Variants in HDLBP observed in about 807,000 individuals in gnomAD.
HDLBP encodes the protein vigilin.
Under a neutral mutation model 137.3 loss-of-function variants are expected in HDLBP, and 30 were observed. That is an observed-to-expected ratio of 0.22 (90% CI 0.16 to 0.30). The LOEUF (loss-of-function observed/expected upper bound fraction) is 0.30. Ranked by LOEUF, HDLBP falls within the 10% of genes least tolerant of loss-of-function variation. The pLI is 1.00. For synonymous variants in HDLBP, 606 were observed against 596.0 expected (o/e 1.02, Z -0.24); for missense variants, 1,119 against 1,667.3 (o/e 0.67, Z 5.73).
chr2:241,252,038 C>G (rs549394911), intron 11 of HDLBP, among the ~76,000 whole-genome samples: 11 of 152,304 alleles, frequency 7.2e-5, no homozygotes, highest in Admixed American at 3.3e-4. Context: ...CGACACACTT[C>G]TAACAGCATC....
intron 1 of HDLBP, among the ~76,000 whole-genome samples, chr2:241,274,050 G>T (rs2074297449): frequency 6.6e-6 from 1 of 152,194 alleles, no homozygotes; most frequent in Admixed American, 6.5e-5. Flanking sequence ...GGGTGTAAAA[G>T]AAGTTAAGAA....
intron 1 of HDLBP, among the ~76,000 whole-genome samples, chr2:241,275,825 C>T (rs572624841): frequency 1.3e-5 from 2 of 151,846 alleles, no homozygotes; most frequent in South Asian, 4.2e-4. Context: ...TTTAAGAATT[C>T]TTTTTCATTT....
chr2:241,270,847 G>A, intron 1 of HDLBP: 1 of 428,044 alleles, frequency 2.3e-6, no homozygotes, highest in Non-Finnish European at 3.1e-6. Flanking sequence ...GATACCTTGG[G>A]CAGGCCTAGA....
intron 1 of HDLBP, among the ~76,000 whole-genome samples, chr2:241,275,804 G>A (rs1336333663): frequency 1.3e-5 from 2 of 152,142 alleles, no homozygotes; most frequent in South Asian, 4.1e-4. Context: ...AGAAATAACT[G>A]TCAATTTGGA....
intron 1 of HDLBP, among the ~76,000 whole-genome samples, chr2:241,285,906 C>T (rs769508774): frequency 5.9e-5 from 9 of 152,128 alleles, no homozygotes; most frequent in Non-Finnish European, 1.0e-4. Context: ...TGCCTGTAAT[C>T]CTAGTTACTC....
At chr2:241,313,389 C>CA (rs2075815319) in intron 1 of HDLBP, among the ~76,000 whole-genome samples, 1 of 152,194 alleles carries the variant, frequency 6.6e-6, no homozygotes, top group Admixed American at 6.5e-5. Context: ...AAGCGATTCT[C>CA]ATGCCTCAGC....
chr2:241,231,214 G>A (rs1376006985), intron 24 of HDLBP: 14 of 351,854 alleles, frequency 4.0e-5, no homozygotes, highest in South Asian at 2.1e-4. Flanking sequence ...GAGAAACCCC[G>A]CCTCTACTAA....
intron 1 of HDLBP, among the ~76,000 whole-genome samples, chr2:241,313,421 A>C (rs370446970): frequency 4.6e-5 from 7 of 152,090 alleles, no homozygotes; most frequent in African/African-American, 1.4e-4. Flanking sequence ...CTGGGATTAC[A>C]GGCGCGCGCC....
intron 21 of HDLBP, 82 bp downstream of exon 21, chr2:241,236,533 A>T (rs767076057): frequency 6.9e-7 from 1 of 1,444,416 alleles, no homozygotes; most frequent in African/African-American, 1.4e-5. Context: ...GCAACCGTCC[A>T]TCCCATCCAG....
intron 20 of HDLBP, among the ~76,000 whole-genome samples, chr2:241,237,859 T>G (rs2070748217): frequency 6.6e-6 from 1 of 152,204 alleles, no homozygotes; most frequent in South Asian, 2.1e-4. Flanking sequence ...CAGAGTGCAG[T>G]ATGAGTTTAT....
rs577275631 is a variant in HDLBP, at chr2:241,254,141, T to C, written c.1189-644A>G. ...TCCACGAAAACTAGCCTGGGGCGCC[T>C]GTAGTGCCAGCTACTTGGGAAGCTG... On this transcript the variant is annotated intron_variant, in intron 9 of 27. Coordinates refer to ENST00000310931, the MANE Select transcript of HDLBP (RefSeq NM_005336.6). Among the ~76,000 whole-genome samples, 3 of 152,214 alleles carry C rather than the reference T, an allele frequency of 2.0e-5. No homozygotes were observed. The East Asian group carries it at 5.8e-4, about 29-fold the overall frequency.
intron 7 of HDLBP, among the ~76,000 whole-genome samples, chr2:241,255,902 C>A (rs56296818): frequency 6.6e-6 from 1 of 152,228 alleles, no homozygotes; most frequent in Non-Finnish European, 1.5e-5. Flanking sequence ...TAATCTAAGA[C>A]GTGAACAAGT....
intron 1 of HDLBP, among the ~76,000 whole-genome samples, chr2:241,296,497 C>T (rs966764335): frequency 5.3e-5 from 8 of 152,098 alleles, no homozygotes; most frequent in African/African-American, 1.9e-4. Context: ...TTTATTTGAC[C>T]CTATCAGAGC....
chr2:241,257,861 T>A (rs2072793798), intron 5 of HDLBP, among the ~76,000 whole-genome samples: 1 of 149,926 alleles, frequency 6.7e-6, no homozygotes, highest in African/African-American at 2.4e-5. Flanking sequence ...AATACCAGTA[T>A]ACGGAAAGAC....
chr2:241,289,815 A>C (rs1159805234), intron 1 of HDLBP, among the ~76,000 whole-genome samples: 1 of 152,174 alleles, frequency 6.6e-6, no homozygotes. Context: ...AGGAAACCTC[A>C]AGAAGACATT....
At chr2:241,237,728 C>CAT (rs74543909) in intron 20 of HDLBP, among the ~76,000 whole-genome samples, 64,975 of 151,926 alleles carry the variant, frequency 0.43, 14,452 homozygotes, top group East Asian at 0.82. Flanking sequence ...AGAAAAAAAA[C>CAT]GTGTGTAAAA....
At chr2:241,242,737 G>A in intron 16 of HDLBP, 59 bp from the exon 17 acceptor site, 1 of 1,385,758 alleles carries the variant, frequency 7.2e-7, no homozygotes, top group South Asian at 1.2e-5. Context: ...AAAGGGCAGA[G>A]GAAAAGATAA....
At chr2:241,235,357 C>A (rs140423366) in intron 22 of HDLBP, 102 bp from the exon 23 acceptor site, 1 of 1,551,126 alleles carries the variant, frequency 6.4e-7, no homozygotes, top group African/African-American at 1.4e-5. Context: ...GGCCACCCGC[C>A]GTGAAGGGAA....
In HDLBP at chr2:241,256,918, G is replaced by A. The variant is rs11884667; in HGVS notation, c.451-112C>T. 2,154 of 843,902 alleles carry A rather than the reference G, an allele frequency of 2.6e-3. 30 individuals are homozygous for A. In the African/African-American group the frequency reaches 0.033, roughly 13 times the overall value. 52.3% of individuals were successfully genotyped at this position (843,902 alleles called of 1,614,324 possible). A position where few individuals can be genotyped will look rare whatever the true frequency, so the allele number is the denominator to read the frequency against. On this transcript the variant is annotated intron_variant, in intron 5 of 27. Transcript: ENST00000310931. ...CATCTTTGCTTATTCCTGCCCAGCA[G>A]CACCAACTCATCCATTAAAACAGCA...
Sources: gnomAD v4.1 joint callset for allele counts (sites outside exome capture counted in the v4.1 genomes callset) on GRCh38, gnomAD v4.1.1 for gene constraint, MANE v1.5 for transcripts, NCBI Gene and HGNC (gene_info 2026-07-23, HGNC 2026-07-21) for gene names.